The following DBNL variants were observed in gnomAD, a reference collection of about 807,000 sequenced individuals.
DBNL encodes the protein drebrin like.
In DBNL, 35 loss-of-function variants were observed where a neutral mutation model predicts 62.2. That is an observed-to-expected ratio of 0.56 (90% CI 0.43 to 0.75). The LOEUF (loss-of-function observed/expected upper bound fraction) is 0.75, where lower values mean the gene tolerates loss of function less well. Among genes scored for constraint, DBNL ranks in the 30% least tolerant of loss-of-function variants. The pLI is 0.00. For missense variants in DBNL, 495 were observed against 578.4 expected (o/e 0.86, Z 1.48); for synonymous variants, 197 against 218.0 (o/e 0.90, Z 0.85).
Position 44,058,271 on chromosome 7 carries a change from G to A in DBNL, c.695G>A (p.Ser232Asn), listed in dbSNP as rs1213353378. Residue 232 changes from serine (S) to asparagine (N), a missense_variant, in exon 7 of 13, where the codon AGC becomes AAC. By Grantham distance (46) the Ser-to-Asn change is conservative (BLOSUM62 1). Coordinates refer to ENST00000448521, the MANE Select transcript of DBNL (RefSeq NM_001014436.3). ...TATCAGGAGCAGGGTGGCGAGGCCA[G>A]CCCCCAGAGGTGAGCCAGAGGTGGA... ...QRYQEQGGEA[S>N]PQRTWEQQQE... 6.4e-7 allele frequency: 1 copy of A among 1,571,992 alleles called. No homozygotes were observed. Among genetic ancestry groups the A allele is most frequent in the Admixed American group, 1.8e-5 (1 of 54,286 alleles).
chr7:44,046,926 G>A (rs972907462), intron 1 of DBNL, among the ~76,000 whole-genome samples: 5 of 152,142 alleles, frequency 3.3e-5, no homozygotes, highest in Non-Finnish European at 5.9e-5. Context: ...CACTCTGGCC[G>A]TCTTTCTCTT....
intron 1 of DBNL, among the ~76,000 whole-genome samples, chr7:44,047,352 G>T (rs2096119111): frequency 6.6e-6 from 1 of 152,178 alleles, no homozygotes; most frequent in Admixed American, 6.5e-5. Context: ...CTCTAGTTTG[G>T]TGGGTCATAA....
chr7:44,059,115 C>G lies in DBNL; in HGVS notation c.835+132C>G, dbSNP rs1171768037. On this transcript the variant is annotated intron_variant, in intron 9 of 12. Coordinates refer to ENST00000448521, the MANE Select transcript of DBNL (RefSeq NM_001014436.3). The surrounding 1 kb of genome is among the most constrained non-coding windows in gnomAD (Gnocchi z 4.1). ...GTGAGTGAGTGAGGAGAAGGGACAC[C>G]TGGGGCCATTGACCTCATCAGTGAC... 1 of 1,053,304 alleles carries G rather than the reference C, an allele frequency of 9.5e-7. No homozygotes were observed. The highest frequency in any genetic ancestry group is 1.4e-6 in the Non-Finnish European group (1 of 722,280). The allele number at this position is 1,053,304 out of a possible 1,614,324, so 65.2% of individuals were successfully genotyped here.
intron 2 of DBNL, chr7:44,050,707 G>T: frequency 5.6e-6 from 1 of 177,592 alleles, no homozygotes; most frequent in Non-Finnish European, 1.2e-5. Flanking sequence ...TATCACTGCA[G>T]ATAGTCACGG....
rs776037102 is a variant in DBNL, at chr7:44,065,327, C to CAGA, written c.*4412_*4414dup. On this transcript the variant is annotated 3_prime_UTR_variant, in exon 13 of 13. Coordinates refer to ENST00000448521, the MANE Select transcript of DBNL (RefSeq NM_001014436.3). ...CTGGTCCGTGCCGTCCAGGATGGCC[C>CAGA]AGAGGGTGCGGATGGCCCGCTTCAG... 1 of 1,613,700 alleles carries CAGA rather than the reference C, an allele frequency of 6.2e-7. No homozygotes were observed. Among genetic ancestry groups the CAGA allele is most frequent in the Non-Finnish European group, 8.5e-7 (1 of 1,180,036 alleles).
Position 44,060,122 on chromosome 7 carries a change from C to G in DBNL, c.1122C>G (p.Leu374=). Residue 374 remains leucine (L), a synonymous_variant, in exon 12 of 13, where the codon CTC becomes CTG. Coordinates refer to ENST00000448521, the MANE Select transcript of DBNL (RefSeq NM_001014436.3). This position sits in a 1 kb window ranked among gnomAD's most constrained non-coding sequence, Gnocchi z 6.3. ...IQGQGLSGQG[L]CARALYDYQA... ...GCCAGGGGCTCAGTGGGCAAGGGCT[C>G]TGTGCCCGTGCCCTGTACGACTACC... 1 of 1,613,462 alleles carries G rather than the reference C, an allele frequency of 6.2e-7. No homozygotes were observed. The highest frequency in any genetic ancestry group is 8.5e-7 in the Non-Finnish European group (1 of 1,179,808).
intron 4 of DBNL, 148 bp from the exon 5 acceptor site, chr7:44,056,607 TCA>T: frequency 8.7e-7 from 1 of 1,148,478 alleles, no homozygotes; most frequent in Middle Eastern, 2.6e-4. Flanking sequence ...AACTCGTGCC[TCA>T]GTTTTCAGCA....
In DBNL at chr7:44,067,829, A is replaced by T. The variant is rs1214086879; in HGVS notation, c.*6913A>T. On this transcript the variant is annotated 3_prime_UTR_variant, in exon 13 of 13. Coordinates refer to ENST00000448521, the MANE Select transcript of DBNL (RefSeq NM_001014436.3). The stretch of plus-strand genomic sequence containing the variant: ...CAGGAGCAGCTGTCAGTAGACAGAT[A>T]AGAAAAGGAGATCAGATTCAAAGTT... 6.6e-6 allele frequency: 1 copy of T among 152,246 alleles called. No homozygotes were observed. The highest frequency in any genetic ancestry group is 2.4e-5 in the African/African-American group (1 of 41,440). 9.4% of individuals were successfully genotyped at this position (152,246 alleles called of 1,614,324 possible).
intron 6 of DBNL, 46 bp from the exon 7 acceptor site, chr7:44,058,083 C>T: frequency 6.5e-7 from 1 of 1,547,224 alleles, no homozygotes; most frequent in Non-Finnish European, 8.7e-7. Context: ...GGGGATTAGG[C>T]TGAAGTGGCA....
In DBNL at chr7:44,069,432, GA is replaced by G. The variant is rs1346943488; in HGVS notation, c.*8517del. 6.6e-6 allele frequency: 1 copy of G among 152,148 alleles called. No homozygotes were observed. Among genetic ancestry groups the G allele is most frequent in the African/African-American group, 2.4e-5 (1 of 41,426 alleles). The allele number at this position is 152,148 out of a possible 1,614,324, so 9.4% of individuals were successfully genotyped here. Reference sequence around the variant, plus strand: ...AAACATTAATCTAAATTGACTGTAAGAGTATGTGTATTTGGCCGGGCAGGGT... The same window carrying G: ...AAACATTAATCTAAATTGACTGTAAGGTATGTGTATTTGGCCGGGCAGGGT... On this transcript the variant is annotated 3_prime_UTR_variant, in exon 13 of 13. Transcript: ENST00000448521.
Position 44,059,457 on chromosome 7 carries a change from G to A in DBNL, c.931+8G>A, listed in dbSNP as rs751265630. ...TCTCAAGGCCCAGGGCAGGCAAGGC[G>A]CTTGTCACCCCATGGGGACCCTGGG... On this transcript the variant is annotated splice_region_variant and intron_variant, in intron 10 of 12. Transcript: ENST00000448521. The surrounding 1 kb of genome is among the most constrained non-coding windows in gnomAD (Gnocchi z 4.1). 1.1e-5 allele frequency: 18 copies of A among 1,613,954 alleles called. No individual in the cohort carries two copies. Among genetic ancestry groups the A allele is most frequent in the East Asian group, 4.5e-5 (2 of 44,874 alleles).
intron 1 of DBNL, chr7:44,049,753 G>C (rs544351325): frequency 1.3e-5 from 2 of 156,376 alleles, no homozygotes; most frequent in East Asian, 1.9e-4. Flanking sequence ...GCACAGGAGT[G>C]GTGGGCAGCC....
chr7:44,055,038 G>A lies in DBNL; in HGVS notation c.328-1719G>A, dbSNP rs1178210854. ...TTTCTTTACCCTTTCATCCATTGAT[G>A]GACGTTTTGGTTGATTCCGTATCTT... On this transcript the variant is annotated intron_variant, in intron 4 of 12. Transcript: ENST00000448521. Among the ~76,000 whole-genome samples the A allele has an allele frequency of 2.0e-5, 3 of 152,108 alleles. No homozygotes were observed. In the East Asian group the frequency reaches 5.8e-4, roughly 29 times the overall value.
At position 44,062,046 on chromosome 7, in the gene DBNL, G is replaced by A. The variant is rs761784437; in HGVS notation, c.*1130G>A. 38 of 153,702 alleles carry A rather than the reference G, an allele frequency of 2.5e-4. No homozygotes were observed. The highest frequency in any genetic ancestry group is 7.7e-4 in the African/African-American group (32 of 41,580). The allele number at this position is 153,702 out of a possible 1,614,324, so 9.5% of individuals were successfully genotyped here. A position where few individuals can be genotyped will look rare whatever the true frequency, so the allele number is the denominator to read the frequency against. ...GGTACCTGGCACCCACTGAGCATCCGGGGAATTAGGTCCCTCCTGTGCCCC... is the reference window on the plus strand; with the variant it reads ...GGTACCTGGCACCCACTGAGCATCCAGGGAATTAGGTCCCTCCTGTGCCCC... On this transcript the variant is annotated 3_prime_UTR_variant, in exon 13 of 13. Coordinates refer to ENST00000448521, the MANE Select transcript of DBNL (RefSeq NM_001014436.3).
intron 1 of DBNL, among the ~76,000 whole-genome samples, chr7:44,048,413 C>G (rs1454666368): frequency 6.6e-6 from 1 of 152,264 alleles, no homozygotes; most frequent in Non-Finnish European, 1.5e-5. Flanking sequence ...GTTCTTTTCT[C>G]TAGTTCCTTT....
rs2128795843 is a variant in DBNL at position 44,063,763 on chromosome 7, CCG to C, written c.*2848_*2849del. The C allele has an allele frequency of 6.5e-6, 1 of 153,664 alleles. No homozygotes were observed. Among genetic ancestry groups the C allele is most frequent in the East Asian group, 1.9e-4 (1 of 5,188 alleles). 9.5% of individuals were successfully genotyped at this position (153,664 alleles called of 1,614,324 possible). On this transcript the variant is annotated 3_prime_UTR_variant, in exon 13 of 13. Coordinates refer to ENST00000448521, the MANE Select transcript of DBNL (RefSeq NM_001014436.3). ...ATGTTCGCGCCACTCCACCCCTGCT[CCG>C]TGCAGGAGGGTTTAAGAAAATGTTC...
intron 8 of DBNL, 26 bp from the exon 9 acceptor site, chr7:44,058,876 A>C: frequency 1.2e-6 from 2 of 1,613,906 alleles, no homozygotes; most frequent in Non-Finnish European, 1.7e-6. Flanking sequence ...TGCCCACTGC[A>C]GGGGTCAACA....
At chr7:44,051,774 AG>A (rs781388017) in intron 2 of DBNL, 55 bp from the exon 3 acceptor site, 1 of 1,564,378 alleles carries the variant, frequency 6.4e-7, no homozygotes, top group Non-Finnish European at 8.8e-7. Context: ...TGGTGGGACC[AG>A]GGCCAGCAGG....
rs1171214379 is a variant in DBNL at position 44,058,113 on chromosome 7, G to A, written c.553-16G>A. 2 of 1,552,828 alleles carry A rather than the reference G, an allele frequency of 1.3e-6. No individual in the cohort carries two copies. The highest frequency in any genetic ancestry group is 8.7e-7 in the Non-Finnish European group (1 of 1,148,236). On this transcript the variant is annotated splice_polypyrimidine_tract_variant and intron_variant, in intron 6 of 12. Coordinates refer to ENST00000448521, the MANE Select transcript of DBNL (RefSeq NM_001014436.3). Reference sequence around the variant, plus strand: ...GTGGCAGCATAGGGCTGAGCGGGCAGTGGCTCTCCCTGCAGAAGGAGGAGG... The same window carrying A: ...GTGGCAGCATAGGGCTGAGCGGGCAATGGCTCTCCCTGCAGAAGGAGGAGG...
Sources: allele counts gnomAD v4.1 joint callset (sites outside exome capture counted in the v4.1 genomes callset), GRCh38; gene constraint gnomAD v4.1.1; non-coding constraint Gnocchi (gnomAD v3.1); transcripts MANE v1.5; gene names NCBI Gene and HGNC (gene_info 2026-07-23, HGNC 2026-07-21).